DPP10: variants seen among roughly 807,000 people sequenced by gnomAD.
DPP10 encodes dipeptidyl peptidase like 10, also known as inactive dipeptidyl peptidase 10.
DPP10 carries 33 observed loss-of-function variants against 120.9 expected under a neutral mutation model. The ratio of observed to expected loss-of-function variants is 0.27; its 90% confidence interval spans 0.21 to 0.37. The LOEUF (loss-of-function observed/expected upper bound fraction) is 0.37, where lower values mean the gene tolerates loss of function less well. Among genes scored for constraint, DPP10 ranks in the 10% least tolerant of loss-of-function variants. The pLI, the probability that DPP10 is intolerant of heterozygous loss-of-function variation, is 1.00. For missense variants in DPP10, 816 were observed against 942.8 expected (o/e 0.87, Z 1.76); for synonymous variants, 337 against 326.1 (o/e 1.03, Z -0.36).
At chr2:115,264,007 A>G (rs1435866291) in intron 1 of DPP10, among the ~76,000 whole-genome samples, 1 of 152,190 alleles carries the variant, frequency 6.6e-6, no homozygotes, top group African/African-American at 2.4e-5. Flanking sequence ...TTCAGAAAGA[A>G]AAAAATGGAA....
chr2:114,879,714 A>G (rs944062520), intron 1 of DPP10, among the ~76,000 whole-genome samples: 2 of 152,104 alleles, frequency 1.3e-5, no homozygotes, highest in Non-Finnish European at 2.9e-5. Flanking sequence ...AAAAACAGAA[A>G]ATGTGATTGA....
At chr2:114,914,276 A>G (rs1186244614) in intron 1 of DPP10, among the ~76,000 whole-genome samples, 1 of 152,222 alleles carries the variant, frequency 6.6e-6, no homozygotes, top group Non-Finnish European at 1.5e-5. Flanking sequence ...TCCAAGGTCA[A>G]TGCAAAATAA....
At position 115,842,742 on chromosome 2, in the gene DPP10, A is replaced by G. The variant is rs1399726680; in HGVS notation, c.*397A>G. On this transcript the variant is annotated 3_prime_UTR_variant, in exon 26 of 26. Transcript: ENST00000410059. Reference sequence around the variant, plus strand: ...TCTGTCCTACAGTCCCTGATCTTTCATGGCTGAGCTGCAATCTAACACTTT... The same window carrying G: ...TCTGTCCTACAGTCCCTGATCTTTCGTGGCTGAGCTGCAATCTAACACTTT... The G allele has an allele frequency of 6.4e-6, 1 of 155,962 alleles. No homozygotes were observed. Among genetic ancestry groups the G allele is most frequent in the Non-Finnish European group, 1.4e-5 (1 of 70,384 alleles). 9.7% of individuals were successfully genotyped at this position (155,962 alleles called of 1,614,324 possible).
At chr2:115,402,889 GTGTATATATATATGTA>G (rs2068196875) in intron 3 of DPP10, among the ~76,000 whole-genome samples, 1 of 137,556 alleles carries the variant, frequency 7.3e-6, no homozygotes, top group Non-Finnish European at 1.5e-5. Flanking sequence ...GTGTGTGTGT[GTGTATATATATATGTA>G]TATATATGTG....
chr2:115,095,702 C>G (rs1386559736), intron 1 of DPP10, among the ~76,000 whole-genome samples: 2 of 151,046 alleles, frequency 1.3e-5, no homozygotes, highest in African/African-American at 4.9e-5. Context: ...GCACTTCTAA[C>G]TGAACAAAAT....
chr2:115,048,471 G>C (rs1199903717), intron 1 of DPP10, among the ~76,000 whole-genome samples: 2 of 151,982 alleles, frequency 1.3e-5, no homozygotes, highest in Non-Finnish European at 2.9e-5. Context: ...TTATTCAGTA[G>C]CCAGAGTGAT....
At chr2:115,686,312 A>G (rs2090986258) in intron 5 of DPP10, among the ~76,000 whole-genome samples, 1 of 152,036 alleles carries the variant, frequency 6.6e-6, no homozygotes, top group Non-Finnish European at 1.5e-5. Context: ...GCCTCATTCA[A>G]GCGTGAGTTA....
chr2:115,374,186 C>G (rs1336984250), intron 3 of DPP10, among the ~76,000 whole-genome samples: 8 of 152,108 alleles, frequency 5.3e-5, no homozygotes, highest in African/African-American at 1.7e-4. Context: ...TAACTCATTC[C>G]AGGAATAACT....
chr2:115,426,911 C>T (rs1291819726), intron 3 of DPP10, among the ~76,000 whole-genome samples: 4 of 152,170 alleles, frequency 2.6e-5, no homozygotes, highest in African/African-American at 9.7e-5. Flanking sequence ...CACCTATAAA[C>T]TTGTAGAATA....
intron 1 of DPP10, among the ~76,000 whole-genome samples, chr2:114,686,021 T>G (rs947762739): frequency 1.3e-5 from 2 of 151,972 alleles, no homozygotes; most frequent in African/African-American, 4.8e-5. Flanking sequence ...CTTCCCTGAG[T>G]GCTACTTCCA....
In DPP10 at chr2:115,709,520, ATATATT is replaced by A. The variant is rs142801928; in HGVS notation, c.577-18290_577-18285del. Among the ~76,000 whole-genome samples the A allele has an allele frequency of 7.5e-3, 1,146 of 152,188 alleles. 11 individuals carry two copies. The highest frequency in any genetic ancestry group is 0.024 in the African/African-American group (981 of 41,544). On this transcript the variant is annotated intron_variant, in intron 7 of 25. Coordinates refer to ENST00000410059, the MANE Select transcript of DPP10 (RefSeq NM_020868.6). ...AAATACACCTATCTTAAATCTATTG[ATATATT>A]TATATATCTTATATATCCTACCTTT...
chr2:115,550,070 A>G (rs1371383860), intron 5 of DPP10, among the ~76,000 whole-genome samples: 1 of 152,158 alleles, frequency 6.6e-6, no homozygotes, highest in South Asian at 2.1e-4. Flanking sequence ...TGAGTCATAC[A>G]AAAAGGGGGA....
At chr2:115,032,229 C>T (rs1407701690) in intron 1 of DPP10, among the ~76,000 whole-genome samples, 1 of 150,446 alleles carries the variant, frequency 6.6e-6, no homozygotes. Flanking sequence ...GAATATACAG[C>T]AGAGCAAAAA....
At chr2:115,669,391 C>T (rs1335325424) in intron 5 of DPP10, among the ~76,000 whole-genome samples, 4 of 151,968 alleles carry the variant, frequency 2.6e-5, no homozygotes, top group East Asian at 1.9e-4. Context: ...AGAATGCAAA[C>T]GGGAAAAATT....
chr2:115,836,221 C>G lies in DPP10; in HGVS notation c.2015C>G (p.Ser672Cys). ...GATGAAAAGCTTTTTAAATGTGGAT[C>G]CGTGGTTGCACCTATCACAGACTTG... ...KSDEKLFKCG[S>C]VVAPITDLKL... The change falls in exon 22 of 26, where the codon TCC becomes TGC. Residue 672 changes from serine to cysteine, a missense_variant. By Grantham distance (112) the Ser-to-Cys change is moderately radical (BLOSUM62 -1). Coordinates refer to ENST00000410059, the MANE Select transcript of DPP10 (RefSeq NM_020868.6). 1 of 1,608,604 alleles carries G rather than the reference C, an allele frequency of 6.2e-7. No homozygotes were observed. Among genetic ancestry groups the G allele is most frequent in the Non-Finnish European group, 8.5e-7 (1 of 1,178,076 alleles).
rs548759259 is a variant in DPP10, at chr2:114,827,418, G to T, written c.60+384580G>T. On this transcript the variant is annotated intron_variant, in intron 1 of 25. Coordinates refer to ENST00000410059, the MANE Select transcript of DPP10 (RefSeq NM_020868.6). ...TCTATAGATCCATTGAAAAAAACTG[G>T]GGTACTGACTTGTTGACCATGACTC... Among the ~76,000 whole-genome samples the T allele has an allele frequency of 3.3e-5, 5 of 152,174 alleles. No individual in the cohort carries two copies. The East Asian group carries it at 7.8e-4, about 24-fold the overall frequency.
intron 1 of DPP10, among the ~76,000 whole-genome samples, chr2:115,246,066 C>G (rs1014613912): frequency 1.3e-5 from 2 of 151,906 alleles, no homozygotes; most frequent in African/African-American, 4.8e-5. Context: ...AGATGGAAAC[C>G]TGAAGAAGAC....
chr2:115,457,035 G>A (rs1215852636), intron 3 of DPP10, among the ~76,000 whole-genome samples: 1 of 151,942 alleles, frequency 6.6e-6, no homozygotes, highest in African/African-American at 2.4e-5. Context: ...TAATGTTACA[G>A]TAGCCAAGAA....
intron 1 of DPP10, among the ~76,000 whole-genome samples, chr2:114,546,108 CT>C (rs1393377782): frequency 4.6e-5 from 7 of 152,126 alleles, no homozygotes; most frequent in Non-Finnish European, 7.3e-5. Flanking sequence ...GCATTCCCCC[CT>C]GTATCAGTCC....
Sources: gnomAD v4.1 joint callset for allele counts (sites outside exome capture counted in the v4.1 genomes callset) on GRCh38, gnomAD v4.1.1 for gene constraint, MANE v1.5 for transcripts, NCBI Gene and HGNC (gene_info 2026-07-23, HGNC 2026-07-21) for gene names.